The following MCF2L2 variants were observed in gnomAD, a reference collection of about 807,000 sequenced individuals.
The protein encoded by MCF2L2 is MCF.2 cell line derived transforming sequence-like 2, also known as probable guanine nucleotide exchange factor MCF2L2.
A neutral mutation model predicts 150.2 loss-of-function variants in MCF2L2; 102 were observed. The observed-to-expected ratio is 0.68, with a 90% CI of 0.58 to 0.80. The LOEUF is 0.80. MCF2L2 is among the 30% of genes least tolerant of loss of function. The pLI is 0.00. For missense variants in MCF2L2, 1,256 were observed against 1,372.8 expected, an observed-to-expected ratio of 0.91 and a Z score of 1.34; for synonymous variants, 465 against 491.3, an observed-to-expected ratio of 0.95 and a Z score of 0.71.
intron 1 of MCF2L2, among the ~76,000 whole-genome samples, chr3:183,401,138 T>TA (rs1224580154): frequency 4.5e-5 from 6 of 132,232 alleles, no homozygotes; most frequent in African/African-American, 1.7e-4. Context: ...GCCTACTCAC[T>TA]ACCACTTGGG....
intron 23 of MCF2L2, among the ~76,000 whole-genome samples, chr3:183,207,066 A>C (rs1192814968): frequency 6.6e-6 from 1 of 152,176 alleles, no homozygotes; most frequent in East Asian, 1.9e-4. Flanking sequence ...TAACAGCTTT[A>C]ATCACAACAG....
At chr3:183,424,900 G>A (rs752860821) in intron 1 of MCF2L2, among the ~76,000 whole-genome samples, 13 of 152,226 alleles carry the variant, frequency 8.5e-5, no homozygotes, top group Admixed American at 5.2e-4. Flanking sequence ...AAGAGTTCAA[G>A]TTGTCCAACC....
At chr3:183,374,090 C>T (rs929307071) in intron 3 of MCF2L2, 1 of 153,088 alleles carries the variant, frequency 6.5e-6, no homozygotes. Context: ...CCCTGCCTCC[C>T]TTTCCTGCTC....
intron 1 of MCF2L2, among the ~76,000 whole-genome samples, chr3:183,413,582 G>A (rs192310920): frequency 6.6e-6 from 1 of 152,266 alleles, no homozygotes; most frequent in East Asian, 1.9e-4. Context: ...AACAAAGCTG[G>A]CAAAAATATC....
intron 25 of MCF2L2, among the ~76,000 whole-genome samples, chr3:183,202,484 C>T (rs1722323305): frequency 1.3e-5 from 2 of 152,236 alleles, no homozygotes; most frequent in Admixed American, 1.3e-4. Context: ...GATCTTACCT[C>T]TGGCTGATCT....
intron 3 of MCF2L2, among the ~76,000 whole-genome samples, chr3:183,341,859 A>G (rs747454863): frequency 7.2e-5 from 11 of 152,248 alleles, no homozygotes; most frequent in Admixed American, 5.2e-4. Flanking sequence ...TGGCAAATGC[A>G]TGAAACACCA....
At chr3:183,387,931 C>CAAAAAAAAAA (rs61024469) in intron 2 of MCF2L2, among the ~76,000 whole-genome samples, 1 of 72,402 alleles carries the variant, frequency 1.4e-5, no homozygotes, top group African/African-American at 6.3e-5. Context: ...GACTCCATCT[C>CAAAAAAAAAA]AAAAAAAAAA....
chr3:183,215,171 A>G (rs1722869511), intron 22 of MCF2L2, among the ~76,000 whole-genome samples: 1 of 152,298 alleles, frequency 6.6e-6, no homozygotes, highest in African/African-American at 2.4e-5. Flanking sequence ...ATTTTAGCCC[A>G]TGAGACTGTG....
intron 18 of MCF2L2, chr3:183,226,272 G>T (rs922422543): frequency 6.6e-6 from 1 of 152,074 alleles, no homozygotes; most frequent in African/African-American, 2.4e-5. Context: ...ATGAAACCTC[G>T]TCTCTACTAA....
At position 183,323,272 on chromosome 3, in the gene MCF2L2, A is replaced by C; in HGVS notation, c.566T>G (p.Leu189Trp). ...SQLTRELGGT[L>W]EYRHGQWVNH... ...TACCCACTGACCGTGGCGATATTCCAAAGTCCCCCCTAATTCCCGGGTCAG... is the reference window on the plus strand; with the variant it reads ...TACCCACTGACCGTGGCGATATTCCCAAGTCCCCCCTAATTCCCGGGTCAG... The change falls in exon 6 of 30, where the codon TTG (leucine) becomes TGG (tryptophan). Residue 189 changes from leucine (L) to tryptophan (W), a missense_variant. Coordinates refer to ENST00000328913, the MANE Select transcript of MCF2L2 (RefSeq NM_015078.4). 1 of 1,613,774 alleles carries C rather than the reference A, an allele frequency of 6.2e-7. No individual in the cohort carries two copies. Among genetic ancestry groups the C allele is most frequent in the Non-Finnish European group, 8.5e-7 (1 of 1,179,744 alleles).
At chr3:183,366,883 A>G (rs750490579) in intron 3 of MCF2L2, among the ~76,000 whole-genome samples, 3 of 152,222 alleles carry the variant, frequency 2.0e-5, no homozygotes, top group Non-Finnish European at 4.4e-5. Flanking sequence ...ACTCTATAAT[A>G]AAGAATCTGC....
At chr3:183,345,299 C>T (rs1730856352) in intron 3 of MCF2L2, among the ~76,000 whole-genome samples, 1 of 152,136 alleles carries the variant, frequency 6.6e-6, no homozygotes. Flanking sequence ...GGAATCTGAA[C>T]AAACTGCTCC....
At chr3:183,282,368 C>CG (rs1727548810) in intron 14 of MCF2L2, among the ~76,000 whole-genome samples, 1 of 151,836 alleles carries the variant, frequency 6.6e-6, no homozygotes, top group Non-Finnish European at 1.5e-5. Context: ...TTAGTAGAGA[C>CG]GGGGTTTCAC....
intron 15 of MCF2L2, among the ~76,000 whole-genome samples, chr3:183,242,001 C>T (rs1318376498): frequency 6.6e-6 from 1 of 152,102 alleles, no homozygotes; most frequent in Non-Finnish European, 1.5e-5. Flanking sequence ...GCATTTTGCC[C>T]CTGCCCTAGA....
chr3:183,261,797 A>C (rs1725609423), intron 15 of MCF2L2, among the ~76,000 whole-genome samples: 1 of 151,854 alleles, frequency 6.6e-6, no homozygotes, highest in Admixed American at 6.6e-5. Context: ...GCCTTCTTAT[A>C]TAGAATTTCT....
At chr3:183,231,452 C>T (rs1296161592) in intron 15 of MCF2L2, among the ~76,000 whole-genome samples, 1 of 144,408 alleles carries the variant, frequency 6.9e-6, no homozygotes, top group Non-Finnish European at 1.5e-5. Context: ...CTGCTCACAT[C>T]AAGCTTTCTT....
At chr3:183,195,309 T>C (rs2108637200) in intron 25 of MCF2L2, 54 bp from the exon 26 acceptor site, 2 of 1,211,166 alleles carry the variant, frequency 1.7e-6, no homozygotes, top group East Asian at 4.7e-5. Context: ...TAATTTGAAT[T>C]GATTTTACAT....
In MCF2L2 at chr3:183,296,817, C is replaced by T. The variant is rs916492189; in HGVS notation, c.1497+159G>A. On this transcript the variant is annotated intron_variant, in intron 12 of 29. Coordinates refer to ENST00000328913, the MANE Select transcript of MCF2L2 (RefSeq NM_015078.4). Reference sequence around the variant, plus strand: ...GACTCAGTATGCCAGGACGTTCAGGCCGAGAGTCTAAGAGGCCGCCGGAGG... The same window carrying T: ...GACTCAGTATGCCAGGACGTTCAGGTCGAGAGTCTAAGAGGCCGCCGGAGG... The T allele has an allele frequency of 2.1e-5, 14 of 663,408 alleles. No individual in the cohort carries two copies. In the Admixed American group the frequency reaches 3.6e-4, roughly 17 times the overall value. The allele number at this position is 663,408 out of a possible 1,614,324, so 41.1% of individuals were successfully genotyped here.
chr3:183,341,810 C>T (rs1267618120), intron 3 of MCF2L2, among the ~76,000 whole-genome samples, 180 bp from the exon 4 acceptor site: 1 of 152,210 alleles, frequency 6.6e-6, no homozygotes, highest in South Asian at 2.1e-4. Context: ...AAAATAGATA[C>T]TTTGTTTCTC....
Sources: gnomAD v4.1 joint callset for allele counts (sites outside exome capture counted in the v4.1 genomes callset) on GRCh38, gnomAD v4.1.1 for gene constraint, MANE v1.5 for transcripts, NCBI Gene and HGNC (gene_info 2026-07-23, HGNC 2026-07-21) for gene names.